TMEM30A: variants seen among roughly 807,000 people sequenced by gnomAD.
TMEM30A encodes cell cycle control protein 50A.
TMEM30A carries 24 observed loss-of-function variants against 38.2 expected under a neutral mutation model. The ratio of observed to expected loss-of-function variants is 0.63; its 90% CI spans 0.46 to 0.88. TMEM30A has a LOEUF of 0.88. TMEM30A is among the 40% of genes least tolerant of loss of function. The pLI, the probability that TMEM30A is intolerant of heterozygous loss-of-function variation, is 0.00. For synonymous variants in TMEM30A, 145 were observed against 161.6 expected (o/e 0.90, Z 0.78); for missense variants, 370 against 458.6 (o/e 0.81, Z 1.77).
rs752967033 is a variant in TMEM30A at position 75,258,819 on chromosome 6, T to C, written c.853A>G (p.Thr285Ala). 1.9e-6 allele frequency: 3 copies of C among 1,613,920 alleles called. No individual in the cohort carries two copies. The highest frequency in any genetic ancestry group is 3.3e-5 in the Admixed American group (2 of 60,020). ...AAAGAGTATCGGCCAGCTGGTAATG[T>C]TGGATGTAAATCACTTTTCCTTTCT... Reference protein sequence around the residue: ...LIERKSDLHPTLPAGRYSLNV... With the variant: ...LIERKSDLHPALPAGRYSLNV... The change falls in exon 6 of 7, where the codon ACA becomes GCA. Residue 285 changes from threonine (T) to alanine (A), a missense_variant. Physicochemically the swap from Thr to Ala is moderately conservative, Grantham distance 58. Coordinates refer to ENST00000230461, the MANE Select transcript of TMEM30A (RefSeq NM_018247.4).
intron 3 of TMEM30A, among the ~76,000 whole-genome samples, chr6:75,263,175 A>C (rs1772002196): frequency 6.6e-6 from 1 of 152,230 alleles, no homozygotes; most frequent in Non-Finnish European, 1.5e-5. Flanking sequence ...GAGAAGACAG[A>C]AGAGAGTTTT....
At chr6:75,269,264 G>C (rs1224587925) in intron 1 of TMEM30A, among the ~76,000 whole-genome samples, 1 of 151,974 alleles carries the variant, frequency 6.6e-6, no homozygotes, top group Non-Finnish European at 1.5e-5. Flanking sequence ...GTTATCATAC[G>C]GAATAGTCTC....
At position 75,255,737 on chromosome 6, in the gene TMEM30A, A is replaced by C. The variant is rs1388974944; in HGVS notation, c.*365T>G. On this transcript the variant is annotated 3_prime_UTR_variant, in exon 7 of 7. Transcript: ENST00000230461. The stretch of plus-strand genomic sequence containing the variant: ...ATCCCTTTCTCCACAAAATACATAC[A>C]CATATACAGCTTCATATGTCAATAT... The C allele has an allele frequency of 6.1e-6, 1 of 165,042 alleles. No homozygotes were observed. The highest frequency in any genetic ancestry group is 1.3e-5 in the Non-Finnish European group (1 of 76,390). 10.2% of individuals were successfully genotyped at this position (165,042 alleles called of 1,614,324 possible).
intron 6 of TMEM30A, among the ~76,000 whole-genome samples, chr6:75,258,328 A>G (rs577593312): frequency 6.6e-6 from 1 of 152,300 alleles, no homozygotes; most frequent in Non-Finnish European, 1.5e-5. Flanking sequence ...TAATAATAAA[A>G]TGTTTTGATA....
Position 75,260,803 on chromosome 6 carries a change from AT to A in TMEM30A, c.541+20del. The A allele has an allele frequency of 6.9e-7, 1 of 1,458,270 alleles. No individual in the cohort carries two copies. The highest frequency in any genetic ancestry group is 2.4e-5 in the East Asian group (1 of 42,240). 90.3% of individuals were successfully genotyped at this position (1,458,270 alleles called of 1,614,324 possible). On this transcript the variant is annotated intron_variant, in intron 4 of 6. Coordinates refer to ENST00000230461, the MANE Select transcript of TMEM30A (RefSeq NM_018247.4). ...CAAATTGTCCTAATTATATATGTCTATATTTGTATCTATATCATACCATTAA... is the reference window on the plus strand; with the variant it reads ...CAAATTGTCCTAATTATATATGTCTAATTTGTATCTATATCATACCATTAA...
rs534416661 is a variant in TMEM30A, at chr6:75,254,185, G to C, written c.*1917C>G. On this transcript the variant is annotated 3_prime_UTR_variant, in exon 7 of 7. Coordinates refer to ENST00000230461, the MANE Select transcript of TMEM30A (RefSeq NM_018247.4). Reference sequence around the variant, plus strand: ...TTCCATCTTCTCCACAGATGAGAAAGTGCTGAAAGGGCTCTTCAACTTTTC... The same window carrying C: ...TTCCATCTTCTCCACAGATGAGAAACTGCTGAAAGGGCTCTTCAACTTTTC... 1.3e-5 allele frequency: 2 copies of C among 152,196 alleles called. No homozygotes were observed. Among genetic ancestry groups the C allele is most frequent in the South Asian group, 4.1e-4 (2 of 4,828 alleles). 9.4% of individuals were successfully genotyped at this position (152,196 alleles called of 1,614,324 possible). A position where few individuals can be genotyped will look rare whatever the true frequency, so the allele number is the denominator to read the frequency against.
rs1209810732 is a variant in TMEM30A at position 75,255,579 on chromosome 6, C to T, written c.*523G>A. 2 of 152,568 alleles carry T rather than the reference C, an allele frequency of 1.3e-5. No individual in the cohort carries two copies. Among genetic ancestry groups the T allele is most frequent in the African/African-American group, 4.8e-5 (2 of 41,404 alleles). The allele number at this position is 152,568 out of a possible 1,614,324, so 9.5% of individuals were successfully genotyped here. A position where few individuals can be genotyped will look rare whatever the true frequency, so the allele number is the denominator to read the frequency against. Reference sequence around the variant, plus strand: ...TACTGGATAAACTGGATACATGAACCACCTCAACAAAGATGGTACTTTAAG... The same window carrying T: ...TACTGGATAAACTGGATACATGAACTACCTCAACAAAGATGGTACTTTAAG... On this transcript the variant is annotated 3_prime_UTR_variant, in exon 7 of 7. Coordinates refer to ENST00000230461, the MANE Select transcript of TMEM30A (RefSeq NM_018247.4).
At chr6:75,265,061 C>T (rs1377107529) in intron 3 of TMEM30A, among the ~76,000 whole-genome samples, 170 bp downstream of exon 3, 1 of 151,782 alleles carries the variant, frequency 6.6e-6, no homozygotes, top group East Asian at 1.9e-4. Context: ...TGTGCCACTG[C>T]ACTCCAGCCT....
In TMEM30A at chr6:75,258,778, A is replaced by G; in HGVS notation, c.892+2T>C. ...TCTGTATACCCAGCCAAAAAAGGAT[A>G]CTGTATGTGACATTCAAAGAGTATC... is the stretch of plus-strand genomic sequence containing the variant. On this transcript the variant is annotated splice_donor_variant, in intron 6 of 6. Transcript: ENST00000230461. LOFTEE classifies it high-confidence loss of function. 1 of 1,613,412 alleles carries G rather than the reference A, an allele frequency of 6.2e-7. No homozygotes were observed.
At position 75,265,346 on chromosome 6, in the gene TMEM30A, A is replaced by G; in HGVS notation, c.346-8T>C. On this transcript the variant is annotated splice_region_variant and splice_polypyrimidine_tract_variant and intron_variant, in intron 2 of 6. Coordinates refer to ENST00000230461, the MANE Select transcript of TMEM30A (RefSeq NM_018247.4). Reference sequence around the variant, plus strand: ...ATACATAAACACGTTGCCCTAGAGAAACAGAGAGGGAAAAAATTTTCATAT... The same window carrying G: ...ATACATAAACACGTTGCCCTAGAGAGACAGAGAGGGAAAAAATTTTCATAT... The G allele has an allele frequency of 6.5e-7, 1 of 1,540,812 alleles. No homozygotes were observed. The highest frequency in any genetic ancestry group is 8.8e-7 in the Non-Finnish European group (1 of 1,134,492).
chr6:75,276,873 T>C (rs1030541565), intron 1 of TMEM30A, among the ~76,000 whole-genome samples: 1 of 152,156 alleles, frequency 6.6e-6, no homozygotes, highest in Non-Finnish European at 1.5e-5. Flanking sequence ...GGCCTCTTTG[T>C]TGTTCCTCAA....
intron 6 of TMEM30A, among the ~76,000 whole-genome samples, chr6:75,258,186 T>C (rs1351791025): frequency 2.0e-5 from 3 of 152,312 alleles, no homozygotes; most frequent in African/African-American, 4.8e-5. Context: ...TGGTCTGTAA[T>C]AGGGAGATAT....
rs769514287 is a variant in TMEM30A, at chr6:75,259,375, T to TC, written c.656dup (p.Gly220ArgfsTer9). The TC allele has an allele frequency of 6.2e-7, 1 of 1,613,384 alleles. No individual in the cohort carries two copies. The highest frequency in any genetic ancestry group is 1.3e-5 in the African/African-American group (1 of 74,914). ...TAAATCGTTCTTCCAGGTTGTCTCC[T>TC]CCAGGGGGATTTCTGAATTTCACAT... is the stretch of plus-strand genomic sequence containing the variant. On this transcript the variant is annotated frameshift_variant, in exon 5 of 7. Coordinates refer to ENST00000230461, the MANE Select transcript of TMEM30A (RefSeq NM_018247.4). LOFTEE classifies it high-confidence loss of function.
intron 3 of TMEM30A, among the ~76,000 whole-genome samples, chr6:75,261,980 A>G (rs565768448): frequency 3.9e-5 from 6 of 152,214 alleles, no homozygotes; most frequent in Non-Finnish European, 7.3e-5. Flanking sequence ...AAAGGAAAAT[A>G]GTATTTACTA....
At chr6:75,261,966 A>C (rs149271707) in intron 3 of TMEM30A, among the ~76,000 whole-genome samples, 21 of 152,354 alleles carry the variant, frequency 1.4e-4, no homozygotes, top group Non-Finnish European at 5.9e-5. Flanking sequence ...GGAAGTTTTA[A>C]AAGAAAGGAA....
intron 1 of TMEM30A, among the ~76,000 whole-genome samples, chr6:75,273,552 T>C (rs1016006345): frequency 6.6e-6 from 1 of 151,646 alleles, no homozygotes; most frequent in Non-Finnish European, 1.5e-5. Context: ...AATTTCTCCA[T>C]GAAAGCTGCC....
At chr6:75,280,914 A>C (rs1223197611) in intron 1 of TMEM30A, among the ~76,000 whole-genome samples, 1 of 152,128 alleles carries the variant, frequency 6.6e-6, no homozygotes, top group Non-Finnish European at 1.5e-5. Flanking sequence ...AAAATCTTAT[A>C]ATCTAATAAT....
intron 1 of TMEM30A, among the ~76,000 whole-genome samples, chr6:75,281,020 T>C (rs867677134): frequency 1.3e-5 from 2 of 151,950 alleles, no homozygotes; most frequent in Admixed American, 6.6e-5. Flanking sequence ...GTAAATAAAA[T>C]AAGGTGAAGA....
intron 1 of TMEM30A, among the ~76,000 whole-genome samples, chr6:75,276,482 G>A (rs183699891): frequency 1.5e-3 from 222 of 152,292 alleles, no homozygotes; most frequent in Non-Finnish European, 2.7e-3. Context: ...AGAATTTAAC[G>A]AAATTATAGG....
Sources: allele counts gnomAD v4.1 joint callset (sites outside exome capture counted in the v4.1 genomes callset), GRCh38; gene constraint gnomAD v4.1.1; transcripts MANE v1.5; gene names NCBI Gene and HGNC (gene_info 2026-07-23, HGNC 2026-07-21).